UGT1A6: variants seen among roughly 807,000 people sequenced by gnomAD.
The protein encoded by UGT1A6 is UDP-glucuronosyltransferase 1A6.
Under a neutral mutation model 44.4 loss-of-function variants are expected in UGT1A6, and 32 were observed. The observed-to-expected ratio is 0.72, with a 90% confidence interval of 0.54 to 0.97. UGT1A6 has a LOEUF of 0.97. Ranked by LOEUF, UGT1A6 falls within the 50% of genes least tolerant of loss-of-function variation. UGT1A6 has a pLI of 0.00. For synonymous variants in UGT1A6, 238 were observed against 248.5 expected, an observed-to-expected ratio of 0.96 and a Z score of 0.40; for missense variants, 685 against 661.9, an observed-to-expected ratio of 1.03 and a Z score of -0.38.
At chr2:233,737,682 C>T (rs555307155) in intron 1 of UGT1A6, among the ~76,000 whole-genome samples, 163 of 152,234 alleles carry the variant, frequency 1.1e-3, no homozygotes, top group Non-Finnish European at 1.9e-3. Flanking sequence ...CCTATTTGGC[C>T]ATTGGTGCTG....
intron 1 of UGT1A6, among the ~76,000 whole-genome samples, chr2:233,749,626 A>G (rs377692778): frequency 5.9e-5 from 9 of 151,982 alleles, no homozygotes; most frequent in South Asian, 4.2e-4. Context: ...TTGGCTCTGT[A>G]TCCCCCACCA....
rs1321809873 is a variant in UGT1A6 at position 233,772,307 on chromosome 2, C to T, written c.1347C>T (p.Arg449=). The change falls in exon 5 of 5, where the codon CGC becomes CGT. Residue 449 remains arginine (R), a synonymous_variant. Coordinates refer to ENST00000305139, the MANE Select transcript of UGT1A6 (RefSeq NM_001072.4). The stretch of plus-strand genomic sequence containing the variant: ...GCCTCTCCAGCCTTCACAAGGACCG[C>T]CCGGTGGAGCCGCTGGACCTGGCCG... ...IMRLSSLHKD[R]PVEPLDLAVF... 1 of 1,614,232 alleles carries T rather than the reference C, an allele frequency of 6.2e-7. No individual in the cohort carries two copies. The highest frequency in any genetic ancestry group is 8.5e-7 in the Non-Finnish European group (1 of 1,180,050).
chr2:233,713,639 C>A (rs772966162), intron 1 of UGT1A6: 2 of 1,613,978 alleles, frequency 1.2e-6, no homozygotes, highest in African/African-American at 2.7e-5. Flanking sequence ...ACATGCTCTA[C>A]CCTCTGGCCC....
In UGT1A6 at chr2:233,725,005, C is replaced by T. The variant is rs1205607932; in HGVS notation, c.861+31140C>T. 3.6e-4 allele frequency among the ~76,000 whole-genome samples: 53 copies of T among 147,398 alleles called. 3 individuals carry two copies. The highest frequency in any genetic ancestry group is 1.3e-3 in the African/African-American group (50 of 39,416). The stretch of plus-strand genomic sequence containing the variant: ...CGCGGTTAGGGGCTGGAGACCGGCC[C>T]GGCCAAACAGCAAAACCCGGTCTCC... On this transcript the variant is annotated intron_variant, in intron 1 of 4. Transcript: ENST00000305139.
Position 233,769,845 on chromosome 2 carries a change from G to T in UGT1A6, c.1301+1406G>T. ...ACTCCAGCAACCTGGGCAACAGAGT[G>T]AGACCCTGTCTCAAAAAAAAAAAAA... On this transcript the variant is annotated intron_variant, in intron 4 of 4. Transcript: ENST00000305139. This position sits in a 1 kb window ranked among gnomAD's most constrained non-coding sequence, Gnocchi z 4.4. The T allele has an allele frequency of 6.0e-6, 3 of 503,862 alleles. No individual in the cohort carries two copies. The highest frequency in any genetic ancestry group is 6.3e-6 in the Non-Finnish European group (2 of 319,128). 31.2% of individuals were successfully genotyped at this position (503,862 alleles called of 1,614,324 possible).
At chr2:233,724,244 G>T (rs2077194489) in intron 1 of UGT1A6, among the ~76,000 whole-genome samples, 1 of 128,230 alleles carries the variant, frequency 7.8e-6, no homozygotes, top group East Asian at 2.4e-4. Context: ...GCCGGGCAGA[G>T]GCGCCCCTCA....
At chr2:233,707,320 C>T (rs2075955377) in intron 1 of UGT1A6, among the ~76,000 whole-genome samples, 1 of 152,246 alleles carries the variant, frequency 6.6e-6, no homozygotes, top group East Asian at 1.9e-4. Flanking sequence ...CATAGCTAAA[C>T]ATGTGCCATG....
At chr2:233,713,323 C>T (rs758064318) in intron 1 of UGT1A6, 21 of 1,614,222 alleles carry the variant, frequency 1.3e-5, no homozygotes, top group Non-Finnish European at 1.7e-6. Context: ...ATGAAATTTT[C>T]TAGAAGAATG....
intron 1 of UGT1A6, chr2:233,713,872 C>A (rs1406341020): frequency 3.1e-6 from 5 of 1,613,636 alleles, no homozygotes; most frequent in Middle Eastern, 1.7e-4. Context: ...TGTATTGGTG[C>A]CTTTATCCAA....
rs988153178 is a variant in UGT1A6, at chr2:233,772,888, GTGGTCCCACGGC to G, written c.*332_*343del. ...CTGTTTGGGAGTGCGGGATTCAAAG[GTGGTCCCACGGC>G]TGCCCCTACTGCAAATGGCAGTTTT... On this transcript the variant is annotated 3_prime_UTR_variant, in exon 5 of 5. Coordinates refer to ENST00000305139, the MANE Select transcript of UGT1A6 (RefSeq NM_001072.4). The G allele has an allele frequency of 1.9e-6, 1 of 534,950 alleles. No individual in the cohort carries two copies. The highest frequency in any genetic ancestry group is 1.9e-5 in the African/African-American group (1 of 51,616). 33.1% of individuals were successfully genotyped at this position (534,950 alleles called of 1,614,324 possible).
At chr2:233,731,751 G>A (rs1484667687) in intron 1 of UGT1A6, among the ~76,000 whole-genome samples, 2 of 152,152 alleles carry the variant, frequency 1.3e-5, no homozygotes, top group Non-Finnish European at 2.9e-5. Context: ...ACATACGTGT[G>A]CATGTGTCCT....
In UGT1A6 at chr2:233,761,113, G is replaced by C. The variant is rs72551345; in HGVS notation, c.862-5921G>C. 5.6e-6 allele frequency: 9 copies of C among 1,614,106 alleles called. No homozygotes were observed. In the South Asian group the frequency reaches 9.9e-5, roughly 18 times the overall value. ...CATCATGCCCAATATGGTTTTTGTT[G>C]GTGGAATCAACTGCCTTCACCAAAA... On this transcript the variant is annotated intron_variant, in intron 1 of 4. Coordinates refer to ENST00000305139, the MANE Select transcript of UGT1A6 (RefSeq NM_001072.4).
intron 1 of UGT1A6, among the ~76,000 whole-genome samples, chr2:233,723,485 C>T (rs1440539841): frequency 7.3e-6 from 1 of 137,690 alleles, no homozygotes; most frequent in Non-Finnish European, 1.5e-5. Flanking sequence ...GCTAGGATTC[C>T]AGGTGTGAGC....
At chr2:233,758,941 T>C (rs1697024496) in intron 1 of UGT1A6, among the ~76,000 whole-genome samples, 1 of 152,230 alleles carries the variant, frequency 6.6e-6, no homozygotes, top group Non-Finnish European at 1.5e-5. Flanking sequence ...TTCAAATCAG[T>C]CATCAGAATT....
chr2:233,697,746 G>C (rs1034433125), intron 1 of UGT1A6, among the ~76,000 whole-genome samples: 10 of 151,906 alleles, frequency 6.6e-5, no homozygotes, highest in Non-Finnish European at 1.5e-4. Context: ...TTTTGCTATA[G>C]CCCATAGATT....
At chr2:233,731,439 C>T (rs1335351159) in intron 1 of UGT1A6, among the ~76,000 whole-genome samples, 1 of 152,054 alleles carries the variant, frequency 6.6e-6, no homozygotes, top group Non-Finnish European at 1.5e-5. Context: ...TCCCCCAGTC[C>T]CCCACCCCAC....
intron 1 of UGT1A6, among the ~76,000 whole-genome samples, chr2:233,695,503 G>T (rs2075293003): frequency 6.6e-6 from 1 of 151,528 alleles, no homozygotes; most frequent in African/African-American, 2.4e-5. Context: ...AAAGTTTTTG[G>T]AGTATTACAA....
At chr2:233,729,848 G>A (rs2077933569) in intron 1 of UGT1A6, 3 of 1,613,874 alleles carry the variant, frequency 1.9e-6, no homozygotes, top group Non-Finnish European at 2.5e-6. Context: ...CTTTTTCAGA[G>A]AGAGGTGTCA....
chr2:233,714,121 CTGTT>C (rs2076367442), intron 1 of UGT1A6, among the ~76,000 whole-genome samples: 1 of 152,078 alleles, frequency 6.6e-6, no homozygotes, highest in African/African-American at 2.4e-5. Flanking sequence ...CTCACGGAGA[CTGTT>C]CGTTTGTAAA....
Sources: gnomAD v4.1 joint callset for allele counts (sites outside exome capture counted in the v4.1 genomes callset) on GRCh38, gnomAD v4.1.1 for gene constraint, Gnocchi (gnomAD v3.1) non-coding constraint, MANE v1.5 for transcripts, NCBI Gene and HGNC (gene_info 2026-07-23, HGNC 2026-07-21) for gene names.